RASL12: variants seen among roughly 807,000 people sequenced by gnomAD.
RASL12 encodes the protein ras-like protein family member 12.
In RASL12, 16 loss-of-function variants were observed where a neutral mutation model predicts 22.9. That is an observed-to-expected ratio of 0.70 (90% CI 0.47 to 1.06). RASL12 has a LOEUF of 1.06. Ranked by LOEUF, RASL12 falls within the 50% of genes least tolerant of loss-of-function variation. The pLI, the probability that RASL12 is intolerant of heterozygous loss-of-function variation, is 0.00. For synonymous variants in RASL12, 159 were observed against 152.2 expected (o/e 1.04, Z -0.33); for missense variants, 306 against 353.1 (o/e 0.87, Z 1.07).
chr15:65,053,514 T>G lies in RASL12; in HGVS notation c.*1385A>C. The G allele has an allele frequency of 9.4e-7, 1 of 1,065,820 alleles. No individual in the cohort carries two copies. The highest frequency in any genetic ancestry group is 3.1e-5 in the South Asian group (1 of 32,188). The allele number at this position is 1,065,820 out of a possible 1,614,324, so 66.0% of individuals were successfully genotyped here. On this transcript the variant is annotated 3_prime_UTR_variant, in exon 5 of 5. Coordinates refer to ENST00000220062, the MANE Select transcript of RASL12 (RefSeq NM_016563.4). Reference sequence around the variant, plus strand: ...GGAAGCCTGTAGGACTGCAAGCATGTGGTCTTGAGTAGTTCACAGCCCCCC... The same window carrying G: ...GGAAGCCTGTAGGACTGCAAGCATGGGGTCTTGAGTAGTTCACAGCCCCCC...
chr15:65,059,612 C>A (rs979807477), intron 2 of RASL12, among the ~76,000 whole-genome samples, 194 bp from the exon 3 acceptor site: 1 of 152,230 alleles, frequency 6.6e-6, no homozygotes, highest in Non-Finnish European at 1.5e-5. Flanking sequence ...TGCTGCTCCA[C>A]CTGCAGGGCT....
At chr15:65,056,103 G>A (rs1270198327) in intron 4 of RASL12, among the ~76,000 whole-genome samples, 1 of 152,138 alleles carries the variant, frequency 6.6e-6, no homozygotes, top group Admixed American at 6.5e-5. Flanking sequence ...GCCTTGCATA[G>A]GTCGGATGTC....
At chr15:65,052,399 C>CTTTTT (rs34021026), downstream of RASL12, among the ~76,000 whole-genome samples, 2 of 76,346 alleles carry the variant, frequency 2.6e-5, no homozygotes, top group African/African-American at 1.0e-4. Context: ...GCATCCTTGG[C>CTTTTT]TTTTTTTTTT....
downstream of RASL12, chr15:65,049,126 A>G (rs2140505046): frequency 6.6e-6 from 1 of 152,112 alleles, no homozygotes; most frequent in South Asian, 2.1e-4. Context: ...TGGATGCTAG[A>G]AAATTTTATA....
intron 3 of RASL12, 38 bp from the exon 4 acceptor site, chr15:65,058,655 G>C: frequency 6.9e-7 from 1 of 1,455,088 alleles, no homozygotes; most frequent in Non-Finnish European, 9.2e-7. Flanking sequence ...GGGGGCAGAG[G>C]AGGTTGGGGT....
downstream of RASL12, chr15:65,051,575 T>A (rs1398608898): frequency 6.2e-7 from 1 of 1,613,554 alleles, no homozygotes; most frequent in South Asian, 1.1e-5. Context: ...ATAAGCATGG[T>A]CCTCCTGGGA....
intron 1 of RASL12, among the ~76,000 whole-genome samples, chr15:65,065,929 T>C (rs959267527): frequency 6.6e-6 from 1 of 151,768 alleles, no homozygotes; most frequent in Admixed American, 6.6e-5. Context: ...TGGTTCAGAG[T>C]GTAGCCATAT....
At chr15:65,067,477 T>A (rs1455437692) in intron 1 of RASL12, among the ~76,000 whole-genome samples, 2 of 149,222 alleles carry the variant, frequency 1.3e-5, no homozygotes, top group African/African-American at 5.0e-5. Flanking sequence ...ACAGAGACAG[T>A]GGGAAGACAC....
In RASL12 at chr15:65,059,248, A is replaced by G. The variant is rs1020751557; in HGVS notation, c.234+97T>C. On this transcript the variant is annotated intron_variant, in intron 3 of 4. Coordinates refer to ENST00000220062, the MANE Select transcript of RASL12 (RefSeq NM_016563.4). ...CACAGCAAAGTTGAGCTTAAAAGGC[A>G]TCTAAATGCCTATCTGAGGTCCCGC... The G allele has an allele frequency of 2.9e-6, 3 of 1,034,936 alleles. No homozygotes were observed. In the African/African-American group the frequency reaches 4.7e-5, roughly 16 times the overall value. The allele number at this position is 1,034,936 out of a possible 1,614,324, so 64.1% of individuals were successfully genotyped here. A position where few individuals can be genotyped will look rare whatever the true frequency, so the allele number is the denominator to read the frequency against.
chr15:65,054,939 G>A lies in RASL12; in HGVS notation c.761C>T (p.Ala254Val), dbSNP rs149518810. 6.3e-5 allele frequency: 102 copies of A among 1,614,156 alleles called. No individual in the cohort carries two copies. The African/African-American group carries it at 9.1e-4, about 14-fold the overall frequency. Residue 254 changes from alanine to valine, a missense_variant, in exon 5 of 5, where the codon GCG becomes GTG. Transcript: ENST00000220062. The part of the protein sequence containing the change: ...KSSRAQSKRK[A>V]PTLTLLKGFK... Reference sequence around the variant, plus strand: ...GCCCTTCAGGAGAGTCAGGGTAGGCGCCTTGCGCTTGCTCTGGGCCCGGGA... The same window carrying A: ...GCCCTTCAGGAGAGTCAGGGTAGGCACCTTGCGCTTGCTCTGGGCCCGGGA...
rs527427462 is a variant in RASL12, at chr15:65,055,119, C to G, written c.581G>C (p.Arg194Pro). The part of the protein sequence containing the change: ...RRELEKSPLT[R>P]PLFISEERAL... ...CCTCTCCTCGGAGATGAAGAGGGGC[C>G]GGGTCAGGGGGCTCTTCTCCAGCTC... The change falls in exon 5 of 5, where the codon CGG (arginine) becomes CCG (proline). Residue 194 changes from arginine (R) to proline (P), a missense_variant. Physicochemically the swap from Arg to Pro is moderately radical, Grantham distance 103. Coordinates refer to ENST00000220062, the MANE Select transcript of RASL12 (RefSeq NM_016563.4). 1.9e-6 allele frequency: 3 copies of G among 1,609,266 alleles called. No individual in the cohort carries two copies. Among genetic ancestry groups the G allele is most frequent in the African/African-American group, 1.3e-5 (1 of 74,872 alleles).
intron 4 of RASL12, among the ~76,000 whole-genome samples, chr15:65,056,085 G>A (rs2086727852): frequency 6.6e-6 from 1 of 152,136 alleles, no homozygotes; most frequent in Admixed American, 6.6e-5. Flanking sequence ...GGAAGAAAAA[G>A]AAGACTGGCC....
chr15:65,069,892 T>C (rs940618300), upstream of RASL12, among the ~76,000 whole-genome samples: 2 of 152,198 alleles, frequency 1.3e-5, no homozygotes, highest in African/African-American at 4.8e-5. Context: ...TGACAGCTCA[T>C]TGCTCAAAGT....
downstream of RASL12, chr15:65,053,090 CA>C (rs1362329653): frequency 7.4e-6 from 12 of 1,613,994 alleles, no homozygotes; most frequent in African/African-American, 1.6e-4. Flanking sequence ...AAACTTGGCC[CA>C]GGTGGAACTT....
upstream of RASL12, among the ~76,000 whole-genome samples, chr15:65,070,626 A>G (rs948906745): frequency 1.3e-5 from 2 of 152,226 alleles, no homozygotes; most frequent in Non-Finnish European, 2.9e-5. Flanking sequence ...ATACCTCTGG[A>G]GTGAACGACT....
chr15:65,051,712 C>G, downstream of RASL12: 1 of 977,144 alleles, frequency 1.0e-6, no homozygotes, highest in Non-Finnish European at 1.6e-6. Flanking sequence ...TGCTGTCCAC[C>G]CTTTGGGACA....
chr15:65,058,649 G>A (rs1218880958), intron 3 of RASL12, 32 bp from the exon 4 acceptor site: 15 of 1,461,848 alleles, frequency 1.0e-5, no homozygotes, highest in East Asian at 7.4e-5. Flanking sequence ...CCGCCGGGGG[G>A]CAGAGGAGGT....
Position 65,058,606 on chromosome 15 carries a change from C to G in RASL12, c.246G>C (p.Arg82Ser). The G allele has an allele frequency of 6.4e-7, 1 of 1,560,862 alleles. No homozygotes were observed. The highest frequency in any genetic ancestry group is 8.7e-7 in the Non-Finnish European group (1 of 1,144,808). The change falls in exon 4 of 5, where the codon AGG becomes AGC. Residue 82 changes from arginine (R) to serine (S), a missense_variant. Arg to Ser is a moderately radical substitution (Grantham distance 110). Coordinates refer to ENST00000220062, the MANE Select transcript of RASL12 (RefSeq NM_016563.4). ...VMDTADLDTPRNCERYLNWAH... is the reference protein window; with the variant it reads ...VMDTADLDTPSNCERYLNWAH... The stretch of plus-strand genomic sequence containing the variant: ...CCCAGTTCAGGTAGCGCTCGCAGTT[C>G]CTGGGGGTGTCCTGGGGTGAAGGTG...
chr15:65,067,116 G>A (rs568315657), intron 1 of RASL12, among the ~76,000 whole-genome samples: 1 of 152,176 alleles, frequency 6.6e-6, no homozygotes. Context: ...CCAGGGAATG[G>A]GGGTGGGAGT....
Sources: allele counts gnomAD v4.1 joint callset (sites outside exome capture counted in the v4.1 genomes callset), GRCh38; gene constraint gnomAD v4.1.1; transcripts MANE v1.5; gene names NCBI Gene and HGNC (gene_info 2026-07-23, HGNC 2026-07-21).